The following NADK2 variants were observed in gnomAD, a reference collection of about 807,000 sequenced individuals.
NADK2 encodes NAD kinase 2, mitochondrial.
NADK2 carries 35 observed loss-of-function variants against 62.1 expected under a neutral mutation model. That is an observed-to-expected ratio of 0.56 (90% CI 0.43 to 0.75). NADK2 has a LOEUF of 0.75. NADK2 is among the 30% of genes least tolerant of loss of function. The pLI, the probability that NADK2 is intolerant of heterozygous loss-of-function variation, is 0.00. For synonymous variants in NADK2, 205 were observed against 207.9 expected (o/e 0.99, Z 0.12); for missense variants, 439 against 561.3 (o/e 0.78, Z 2.20).
At chr5:36,234,472 C>T (rs563907101) in intron 1 of NADK2, among the ~76,000 whole-genome samples, 1 of 151,226 alleles carries the variant, frequency 6.6e-6, no homozygotes, top group Admixed American at 6.6e-5. Flanking sequence ...AAAGAATAGG[C>T]ACATATTCTA....
At position 36,207,247 on chromosome 5, in the gene NADK2, A is replaced by G. The variant is rs754203183; in HGVS notation, c.879T>C (p.Ile293=). 1.3e-5 allele frequency: 21 copies of G among 1,612,572 alleles called. No homozygotes were observed. In the African/African-American group the frequency reaches 2.5e-4, roughly 19 times the overall value. Residue 293 remains isoleucine (I), a synonymous_variant, in exon 8 of 12, where the codon ATT becomes ATC. Coordinates refer to ENST00000381937, the MANE Select transcript of NADK2 (RefSeq NM_001085411.3). Reference sequence around the variant, plus strand: ...TTTCCCATGGACCATCATCAACTGAAATCTCATAGTAGGAAGCCCTGTGAA... The same window carrying G: ...TTTCCCATGGACCATCATCAACTGAGATCTCATAGTAGGAAGCCCTGTGAA... ...SLSSRASYYE[I]SVDDGPWEKQ...
chr5:36,234,117 G>A (rs1408506802), intron 1 of NADK2, among the ~76,000 whole-genome samples: 5 of 152,050 alleles, frequency 3.3e-5, no homozygotes, highest in African/African-American at 1.2e-4. Flanking sequence ...GCTCACGCCT[G>A]TAATCCCAGC....
intron 1 of NADK2, among the ~76,000 whole-genome samples, chr5:36,228,243 T>C (rs1747558470): frequency 6.6e-6 from 1 of 152,188 alleles, no homozygotes; most frequent in Non-Finnish European, 1.5e-5. Context: ...TTTTTTTAAC[T>C]ATGTTTCTTA....
chr5:36,226,982 A>C (rs1747507296), intron 2 of NADK2, among the ~76,000 whole-genome samples: 1 of 152,168 alleles, frequency 6.6e-6, no homozygotes, highest in Non-Finnish European at 1.5e-5. Context: ...ACAAATATTC[A>C]TTGAGTACCA....
intron 2 of NADK2, 93 bp from the exon 3 acceptor site, chr5:36,226,656 A>T (rs1747495618): frequency 6.3e-6 from 5 of 787,852 alleles, no homozygotes; most frequent in Non-Finnish European, 1.0e-5. Flanking sequence ...TACAATAGAG[A>T]TGTAAAATAA....
At chr5:36,229,699 G>A (rs1747633315) in intron 1 of NADK2, among the ~76,000 whole-genome samples, 1 of 151,552 alleles carries the variant, frequency 6.6e-6, no homozygotes, top group African/African-American at 2.4e-5. Flanking sequence ...TATCTTTAGA[G>A]CCTCAAATAC....
intron 1 of NADK2, among the ~76,000 whole-genome samples, chr5:36,240,934 A>G (rs1264437927): frequency 1.3e-5 from 2 of 152,192 alleles, no homozygotes; most frequent in Admixed American, 6.5e-5. Context: ...CCAGCAAGGA[A>G]AAGGCTCACG....
At chr5:36,200,807 C>T (rs1207732073) in intron 9 of NADK2, among the ~76,000 whole-genome samples, 2 of 151,860 alleles carry the variant, frequency 1.3e-5, no homozygotes, top group South Asian at 2.1e-4. Flanking sequence ...AACTTAATAA[C>T]GGCCCCAAGG....
chr5:36,239,213 A>C (rs1463376866), intron 1 of NADK2, among the ~76,000 whole-genome samples: 2 of 152,226 alleles, frequency 1.3e-5, no homozygotes, highest in Non-Finnish European at 2.9e-5. Flanking sequence ...TACCCCAGCA[A>C]TATAACAAAT....
At chr5:36,210,928 A>G (rs1746816829) in intron 7 of NADK2, among the ~76,000 whole-genome samples, 1 of 152,196 alleles carries the variant, frequency 6.6e-6, no homozygotes, top group Admixed American at 6.5e-5. Flanking sequence ...CTGAGGCAGG[A>G]GCATAGTTTG....
At chr5:36,238,672 T>C (rs1747996907) in intron 1 of NADK2, among the ~76,000 whole-genome samples, 1 of 152,222 alleles carries the variant, frequency 6.6e-6, no homozygotes, top group African/African-American at 2.4e-5. Context: ...CATCTCTTAA[T>C]GATGCAAGTA....
In NADK2 at chr5:36,193,745, A is replaced by ATT. The variant is rs1248205481; in HGVS notation, c.*1397_*1398dup. ...TGTACATTAACATTTATTTTAAAAA[A>ATT]TTGATAAGAACAACATGTTAAATAT... On this transcript the variant is annotated 3_prime_UTR_variant, in exon 12 of 12. Coordinates refer to ENST00000381937, the MANE Select transcript of NADK2 (RefSeq NM_001085411.3). 6.6e-6 allele frequency: 1 copy of ATT among 152,630 alleles called. No homozygotes were observed. The highest frequency in any genetic ancestry group is 1.5e-5 in the Non-Finnish European group (1 of 68,038). 9.5% of individuals were successfully genotyped at this position (152,630 alleles called of 1,614,324 possible).
At chr5:36,227,926 G>A (rs1179223839) in intron 1 of NADK2, among the ~76,000 whole-genome samples, 1 of 149,140 alleles carries the variant, frequency 6.7e-6, no homozygotes, top group Non-Finnish European at 1.5e-5. Context: ...CTCACTGCAA[G>A]CTCCGCCTCC....
chr5:36,225,736 C>T (rs1747459323), intron 3 of NADK2, 113 bp from the exon 4 acceptor site: 1 of 776,356 alleles, frequency 1.3e-6, no homozygotes, highest in Non-Finnish European at 2.1e-6. Context: ...CTGCTAACCG[C>T]TATAGCCTAT....
chr5:36,207,123 TA>T, intron 8 of NADK2, 46 bp downstream of exon 8: 1 of 1,492,326 alleles, frequency 6.7e-7, no homozygotes, highest in African/African-American at 1.4e-5. Flanking sequence ...ATTACATTAC[TA>T]AAAGTATTTC....
chr5:36,195,171 C>G lies in NADK2; in HGVS notation c.1302G>C (p.Glu434Asp). The G allele has an allele frequency of 6.2e-7, 1 of 1,612,914 alleles. No homozygotes were observed. The highest frequency in any genetic ancestry group is 1.1e-5 in the South Asian group (1 of 90,782). Reference sequence around the variant, plus strand: ...ACTGTTCAAGAAGCACAGTTCGAAGCTCATCTTCTTTATTGATCATCATCG... The same window carrying G: ...ACTGTTCAAGAAGCACAGTTCGAAGGTCATCTTCTTTATTGATCATCATCG... ...IASMMINKED[E>D]LRTVLLEQ The change falls in exon 12 of 12, where the codon GAG becomes GAC. Residue 434 changes from glutamate (E) to aspartate (D), a missense_variant. Coordinates refer to ENST00000381937, the MANE Select transcript of NADK2 (RefSeq NM_001085411.3).
Position 36,194,512 on chromosome 5 carries a change from T to C in NADK2, c.*632A>G, listed in dbSNP as rs977182838. The C allele has an allele frequency of 6.6e-6, 1 of 152,166 alleles. No individual in the cohort carries two copies. The highest frequency in any genetic ancestry group is 1.5e-5 in the Non-Finnish European group (1 of 68,006). The allele number at this position is 152,166 out of a possible 1,614,324, so 9.4% of individuals were successfully genotyped here. A position where few individuals can be genotyped will look rare whatever the true frequency, so the allele number is the denominator to read the frequency against. On this transcript the variant is annotated 3_prime_UTR_variant, in exon 12 of 12. Coordinates refer to ENST00000381937, the MANE Select transcript of NADK2 (RefSeq NM_001085411.3). ...CTGTATTTCACCCAGAACTGCTGAA[T>C]TACAGAATGAAACTCAAATGAAAGC...
chr5:36,195,203 T>G lies in NADK2; in HGVS notation c.1270A>C (p.Ile424Leu), dbSNP rs138382380. The G allele has an allele frequency of 6.2e-7, 1 of 1,613,650 alleles. No individual in the cohort carries two copies. Among genetic ancestry groups the G allele is most frequent in the East Asian group, 2.2e-5 (1 of 44,854 alleles). The change falls in exon 12 of 12, where the codon ATT becomes CTT. Residue 424 changes from isoleucine (I) to leucine (L), a missense_variant. Transcript: ENST00000381937. ...GTSFEFNDGA[I>L]ASMMINKEDE... ...TCTTTATTGATCATCATCGAAGCAA[T>G]TGCACCATCATTAAACTCAAAAGAA...
intron 10 of NADK2, among the ~76,000 whole-genome samples, chr5:36,199,051 TGGGGTAG>T (rs1746339934): frequency 7.0e-6 from 1 of 142,422 alleles, no homozygotes; most frequent in African/African-American, 2.6e-5. Context: ...GGGACTGTTG[TGGGGTAG>T]GGGGTGGGGG....
Sources: gnomAD v4.1 joint callset for allele counts (sites outside exome capture counted in the v4.1 genomes callset) on GRCh38, gnomAD v4.1.1 for gene constraint, MANE v1.5 for transcripts, NCBI Gene and HGNC (gene_info 2026-07-23, HGNC 2026-07-21) for gene names.